The following BBS9 variants were observed in gnomAD, a reference collection of about 807,000 sequenced individuals.
BBS9 encodes Bardet-Biedl syndrome 9.
Under a neutral mutation model 117.7 loss-of-function variants are expected in BBS9, and 89 were observed. The observed-to-expected ratio is 0.76, with a 90% CI of 0.64 to 0.90. The LOEUF (loss-of-function observed/expected upper bound fraction) is 0.90, where lower values mean the gene tolerates loss of function less well. BBS9 is among the 40% of genes least tolerant of loss of function. The probability of loss-of-function intolerance (pLI) is 0.00; values close to 1 mark genes in which losing one functional copy is unlikely to be tolerated. For missense variants in BBS9, 982 were observed against 1,042.2 expected (o/e 0.94, Z 0.80); for synonymous variants, 379 against 370.9 (o/e 1.02, Z -0.25).
intron 4 of BBS9, among the ~76,000 whole-genome samples, chr7:33,162,380 A>G (rs1794995311): frequency 6.6e-6 from 1 of 151,946 alleles, no homozygotes; most frequent in Admixed American, 6.6e-5. Context: ...TATTGGTTAT[A>G]TGCCATTGGT....
chr7:33,334,452 G>C (rs924571698), intron 9 of BBS9, among the ~76,000 whole-genome samples: 8 of 152,110 alleles, frequency 5.3e-5, no homozygotes, highest in African/African-American at 1.7e-4. Flanking sequence ...CATTGGGTTC[G>C]TAGGGCTTAG....
chr7:33,512,675 T>G (rs1326801893), intron 20 of BBS9, among the ~76,000 whole-genome samples: 1 of 152,200 alleles, frequency 6.6e-6, no homozygotes, highest in African/African-American at 2.4e-5. Flanking sequence ...AAGAGATGAT[T>G]TTGACCTTTC....
chr7:33,497,374 C>T (rs916602269), intron 19 of BBS9, among the ~76,000 whole-genome samples: 1 of 152,122 alleles, frequency 6.6e-6, no homozygotes, highest in Non-Finnish European at 1.5e-5. Flanking sequence ...CATCAATTCA[C>T]CCAGCATTTA....
At chr7:33,340,765 A>G in intron 10 of BBS9, 132 bp from the exon 11 acceptor site, 1 of 669,470 alleles carries the variant, frequency 1.5e-6, no homozygotes, top group South Asian at 1.9e-5. Flanking sequence ...ACTGTAATGC[A>G]TTAGTTTTTT....
intron 5 of BBS9, among the ~76,000 whole-genome samples, chr7:33,190,181 G>A (rs566706575): frequency 6.8e-4 from 99 of 145,980 alleles, no homozygotes; most frequent in African/African-American, 2.3e-3. Flanking sequence ...GTGCAGTGGC[G>A]CAATCTCGGC....
intron 4 of BBS9, among the ~76,000 whole-genome samples, chr7:33,158,047 T>C (rs1794340047): frequency 6.6e-6 from 1 of 152,230 alleles, no homozygotes; most frequent in Non-Finnish European, 1.5e-5. Context: ...AGATGTGTAC[T>C]TCTCAAGAGG....
In BBS9 at chr7:33,605,752, A is replaced by G. The variant is rs2129209701; in HGVS notation, c.*526A>G. ...TCTCTGGTAAGACTTGAATGTGATT[A>G]TTTTATAAATAAAAGAACCACTATG... is the stretch of plus-strand genomic sequence containing the variant. On this transcript the variant is annotated 3_prime_UTR_variant, in exon 23 of 23. Coordinates refer to ENST00000242067, the MANE Select transcript of BBS9 (RefSeq NM_198428.3). The G allele has an allele frequency of 6.3e-6, 1 of 159,000 alleles. No homozygotes were observed. Among genetic ancestry groups the G allele is most frequent in the Non-Finnish European group, 1.4e-5 (1 of 71,668 alleles). 9.8% of individuals were successfully genotyped at this position (159,000 alleles called of 1,614,324 possible). A position where few individuals can be genotyped will look rare whatever the true frequency, so the allele number is the denominator to read the frequency against.
At chr7:33,315,468 A>ACTG (rs1431507836) in intron 9 of BBS9, among the ~76,000 whole-genome samples, 3 of 152,184 alleles carry the variant, frequency 2.0e-5, no homozygotes, top group Non-Finnish European at 4.4e-5. Context: ...AAGTCAGTCC[A>ACTG]GATTCAAGGA....
chr7:33,377,213 GA>G (rs1279239997), intron 17 of BBS9, among the ~76,000 whole-genome samples: 9 of 152,216 alleles, frequency 5.9e-5, no homozygotes, highest in Admixed American at 2.6e-4. Flanking sequence ...ATCTTGAGTT[GA>G]TTTTTGTATG....
chr7:33,313,641 C>T lies in BBS9; in HGVS notation c.1017-22800C>T, dbSNP rs572527041. Among the ~76,000 whole-genome samples the T allele has an allele frequency of 1.4e-4, 21 of 152,236 alleles. No homozygotes were observed. The South Asian group carries it at 2.9e-3, about 21-fold the overall frequency. On this transcript the variant is annotated intron_variant, in intron 9 of 22. Coordinates refer to ENST00000242067, the MANE Select transcript of BBS9 (RefSeq NM_198428.3). ...TAACCTCTGTAATTTTTGCAGTTTT[C>T]GGTGACAACTTCTTTTTGTGCAGAA...
chr7:33,265,948 A>C (rs1229945530), intron 7 of BBS9, among the ~76,000 whole-genome samples: 4 of 152,136 alleles, frequency 2.6e-5, no homozygotes, highest in African/African-American at 9.7e-5. Context: ...GGATGAACTT[A>C]CTGATAATGG....
At chr7:33,514,720 G>A (rs1847479007) in intron 20 of BBS9, among the ~76,000 whole-genome samples, 1 of 152,132 alleles carries the variant, frequency 6.6e-6, no homozygotes, top group Non-Finnish European at 1.5e-5. Flanking sequence ...AAATGGCGTT[G>A]CTTGTTTGGT....
chr7:33,466,407 G>A (rs925940992), intron 19 of BBS9, among the ~76,000 whole-genome samples: 1 of 151,494 alleles, frequency 6.6e-6, no homozygotes, highest in African/African-American at 2.4e-5. Flanking sequence ...TGTCTTTCTG[G>A]GCCCGCCCGG....
chr7:33,432,668 A>G (rs2128880426), intron 19 of BBS9, among the ~76,000 whole-genome samples: 1 of 152,288 alleles, frequency 6.6e-6, no homozygotes, highest in Non-Finnish European at 1.5e-5. Flanking sequence ...AAAGTTGTCT[A>G]TGTTGTTATT....
At chr7:33,587,932 C>A (rs1311824148) in intron 21 of BBS9, among the ~76,000 whole-genome samples, 2 of 152,054 alleles carry the variant, frequency 1.3e-5, no homozygotes, top group South Asian at 2.1e-4. Flanking sequence ...ATAAACTGTT[C>A]CAGGCCATAA....
At chr7:33,155,726 A>G in intron 4 of BBS9, 24 bp downstream of exon 4, 2 of 1,084,490 alleles carry the variant, frequency 1.8e-6, no homozygotes, top group South Asian at 2.6e-5. Flanking sequence ...TTACCAATGT[A>G]GAATTTATAT....
chr7:33,240,260 CTT>C (rs5883390), intron 5 of BBS9, among the ~76,000 whole-genome samples: 15,130 of 139,320 alleles, frequency 0.11, 1,045 homozygotes, highest in Non-Finnish European at 0.17. Context: ...CTTCATTGTT[CTT>C]TTTTTTTTTT....
intron 1 of BBS9, among the ~76,000 whole-genome samples, chr7:33,144,681 G>A (rs1228799320): frequency 6.6e-6 from 1 of 152,168 alleles, no homozygotes; most frequent in Non-Finnish European, 1.5e-5. Context: ...GCTGTCTAAT[G>A]TTCCTAAAAG....
intron 17 of BBS9, among the ~76,000 whole-genome samples, chr7:33,378,991 T>C (rs1039836548): frequency 3.9e-5 from 6 of 152,244 alleles, no homozygotes; most frequent in Admixed American, 6.5e-5. Flanking sequence ...TAGGCTTGCC[T>C]GGACGTACCT....
Sources: gnomAD v4.1 joint callset for allele counts (sites outside exome capture counted in the v4.1 genomes callset) on GRCh38, gnomAD v4.1.1 for gene constraint, MANE v1.5 for transcripts, NCBI Gene and HGNC (gene_info 2026-07-23, HGNC 2026-07-21) for gene names.